Variants in CHODL observed in about 807,000 individuals in gnomAD.
CHODL encodes transmembrane protein MT75.
CHODL carries 29 observed loss-of-function variants against 34.5 expected under a neutral mutation model. That is an observed-to-expected ratio of 0.84 (90% CI 0.63 to 1.15). CHODL has a LOEUF of 1.15. Ranked by LOEUF, CHODL falls within the 50% of genes most tolerant of loss-of-function variation. The probability of loss-of-function intolerance (pLI) is 0.00; values close to 1 mark genes in which losing one functional copy is unlikely to be tolerated. For missense variants in CHODL, 332 were observed against 332.5 expected, an observed-to-expected ratio of 1.00 and a Z score of 0.01; for synonymous variants, 125 against 116.1, an observed-to-expected ratio of 1.08 and a Z score of -0.49.
At chr21:17,990,365 G>A (rs1202086290) in intron 1 of CHODL, among the ~76,000 whole-genome samples, 1 of 151,974 alleles carries the variant, frequency 6.6e-6, no homozygotes, top group Non-Finnish European at 1.5e-5. Context: ...ACCACAGTAA[G>A]TTTCATTTCT....
chr21:17,971,849 A>G (rs1316656448), intron 1 of CHODL, among the ~76,000 whole-genome samples: 1 of 152,152 alleles, frequency 6.6e-6, no homozygotes, highest in Non-Finnish European at 1.5e-5. Flanking sequence ...AGACACAGCA[A>G]CAACAACAAA....
intron 2 of CHODL, among the ~76,000 whole-genome samples, chr21:18,216,454 C>A (rs914704387): frequency 1.6e-4 from 24 of 151,934 alleles, no homozygotes; most frequent in Non-Finnish European, 2.4e-4. Flanking sequence ...ACTTCCCACT[C>A]ATAGGTAACA....
chr21:17,971,072 T>C (rs2063610419), intron 1 of CHODL, among the ~76,000 whole-genome samples: 1 of 152,236 alleles, frequency 6.6e-6, no homozygotes, highest in African/African-American at 2.4e-5. Flanking sequence ...TGCATCATTT[T>C]TTATGGCTAC....
chr21:18,220,872 G>A (rs1315343767), intron 2 of CHODL, among the ~76,000 whole-genome samples: 1 of 151,982 alleles, frequency 6.6e-6, no homozygotes, highest in Non-Finnish European at 1.5e-5. Flanking sequence ...CCTTGGAGAG[G>A]ATCTTTTTGG....
At chr21:18,250,341 T>C (rs1157001576) in intron 1 of CHODL, among the ~76,000 whole-genome samples, 1 of 152,040 alleles carries the variant, frequency 6.6e-6, no homozygotes, top group Non-Finnish European at 1.5e-5. Flanking sequence ...AGTCTCATGC[T>C]CTTCTCAGAA....
At chr21:17,978,282 T>C (rs1212988695) in intron 1 of CHODL, among the ~76,000 whole-genome samples, 1 of 148,406 alleles carries the variant, frequency 6.7e-6, no homozygotes, top group Non-Finnish European at 1.5e-5. Flanking sequence ...ATTAGCTGGG[T>C]GTGGTGGCGC....
At chr21:17,943,945 C>T (rs139219669) in intron 1 of CHODL, among the ~76,000 whole-genome samples, 28 of 152,270 alleles carry the variant, frequency 1.8e-4, no homozygotes, top group African/African-American at 6.5e-4. Flanking sequence ...GTGACCAGTG[C>T]ACAAATCTTG....
chr21:17,945,469 T>C (rs547379210), intron 1 of CHODL, among the ~76,000 whole-genome samples: 59 of 151,984 alleles, frequency 3.9e-4, no homozygotes, highest in African/African-American at 1.4e-3. Flanking sequence ...AACAGAAATA[T>C]TCAATAGAAA....
intron 2 of CHODL, among the ~76,000 whole-genome samples, chr21:18,107,965 T>C (rs182662548): frequency 5.9e-5 from 9 of 152,326 alleles, no homozygotes; most frequent in African/African-American, 1.7e-4. Context: ...TTACAGGTTA[T>C]GTTCGTACCA....
chr21:18,152,453 G>C (rs2072981786), intron 2 of CHODL, among the ~76,000 whole-genome samples: 1 of 152,186 alleles, frequency 6.6e-6, no homozygotes, highest in African/African-American at 2.4e-5. Flanking sequence ...GTTAGCCAGG[G>C]CTGGGTTCTC....
intron 2 of CHODL, among the ~76,000 whole-genome samples, chr21:18,212,977 G>C (rs1601155334): frequency 6.6e-6 from 1 of 152,236 alleles, no homozygotes; most frequent in African/African-American, 2.4e-5. Flanking sequence ...AAGAGCAATT[G>C]CTTGTATTGA....
chr21:18,096,084 T>C (rs1043276764), intron 2 of CHODL, among the ~76,000 whole-genome samples: 5 of 152,216 alleles, frequency 3.3e-5, no homozygotes, highest in Non-Finnish European at 7.3e-5. Flanking sequence ...ACTTTTATAA[T>C]TTCTTACGAC....
intron 1 of CHODL, among the ~76,000 whole-genome samples, chr21:17,997,810 C>T (rs1019467507): frequency 2.6e-5 from 4 of 152,246 alleles, no homozygotes; most frequent in East Asian, 1.9e-4. Flanking sequence ...ACCCCTCCAG[C>T]CCCTCCCACA....
chr21:18,000,994 G>GA (rs1311122435), intron 1 of CHODL, among the ~76,000 whole-genome samples: 1 of 151,924 alleles, frequency 6.6e-6, no homozygotes, highest in Non-Finnish European at 1.5e-5. Flanking sequence ...TTTTTAAGGA[G>GA]AAAAAAATGG....
chr21:18,060,209 C>T (rs13046356), intron 2 of CHODL, among the ~76,000 whole-genome samples: 1 of 152,102 alleles, frequency 6.6e-6, no homozygotes, highest in Admixed American at 6.6e-5. Context: ...AATCCCAGAA[C>T]TTTGGGAGAC....
upstream of CHODL, among the ~76,000 whole-genome samples, chr21:18,243,284 T>G (rs1289115201): frequency 6.6e-6 from 1 of 152,240 alleles, no homozygotes; most frequent in Non-Finnish European, 1.5e-5. Flanking sequence ...CTATGCCCAG[T>G]GATGCTCTTT....
At chr21:17,987,643 T>C (rs2063764035) in intron 1 of CHODL, among the ~76,000 whole-genome samples, 1 of 152,124 alleles carries the variant, frequency 6.6e-6, no homozygotes. Flanking sequence ...TAATATATAT[T>C]CATGACCTGT....
chr21:18,089,207 A>G (rs2065042547), intron 2 of CHODL, among the ~76,000 whole-genome samples: 1 of 152,126 alleles, frequency 6.6e-6, no homozygotes, highest in African/African-American at 2.4e-5. Context: ...TCCTTTTCAA[A>G]TCTTTTGTTT....
intron 2 of CHODL, among the ~76,000 whole-genome samples, chr21:18,116,684 G>A (rs1168455940): frequency 6.6e-6 from 1 of 152,220 alleles, no homozygotes; most frequent in Non-Finnish European, 1.5e-5. Flanking sequence ...TAGAGGAAGT[G>A]ATGATCCCAG....
Sources: gnomAD v4.1 joint callset for allele counts (sites outside exome capture counted in the v4.1 genomes callset) on GRCh38, gnomAD v4.1.1 for gene constraint, MANE v1.5 for transcripts, NCBI Gene and HGNC (gene_info 2026-07-23, HGNC 2026-07-21) for gene names.